HPSE2: variants seen among roughly 807,000 people sequenced by gnomAD.
HPSE2 encodes the protein inactive heparanase-2.
In HPSE2, 38 loss-of-function variants were observed where a neutral mutation model predicts 60.5. The ratio of observed to expected loss-of-function variants is 0.63; its 90% CI spans 0.48 to 0.82. HPSE2 has a LOEUF of 0.82. Among genes scored for constraint, HPSE2 ranks in the 40% least tolerant of loss-of-function variants. The pLI is 0.00. For synonymous variants in HPSE2, 295 were observed against 293.2 expected (o/e 1.01, Z -0.06); for missense variants, 713 against 740.4 (o/e 0.96, Z 0.43).
intron 4 of HPSE2, among the ~76,000 whole-genome samples, chr10:98,730,484 A>G (rs1949199601): frequency 6.6e-6 from 1 of 152,088 alleles, no homozygotes; most frequent in African/African-American, 2.4e-5. Flanking sequence ...ATTAGAGTAG[A>G]TATCAATGAT....
chr10:99,107,257 C>A (rs1261062341), intron 3 of HPSE2, among the ~76,000 whole-genome samples: 1 of 152,178 alleles, frequency 6.6e-6, no homozygotes, highest in Admixed American at 6.5e-5. Context: ...ATAGTTTAGA[C>A]ATCTTTTGAA....
intron 2 of HPSE2, among the ~76,000 whole-genome samples, chr10:99,168,087 TACACACACACACACACAC>T (rs56393224): frequency 1.6e-3 from 238 of 144,728 alleles, no homozygotes; most frequent in Middle Eastern, 6.9e-3. Flanking sequence ...TCAGCCTATT[TACACACACACACACACAC>T]ACACACACAC....
At chr10:99,286,915 TAAG>T in the HPSE2 span, among the ~76,000 whole-genome samples, 6 of 152,238 alleles carry the variant, frequency 3.9e-5, no homozygotes, top group Admixed American at 3.9e-4. Context: ...ATTTTTTGAA[TAAG>T]AAGAATGATG....
At chr10:99,079,623 C>T (rs544236434) in intron 3 of HPSE2, among the ~76,000 whole-genome samples, 1 of 152,218 alleles carries the variant, frequency 6.6e-6, no homozygotes, top group South Asian at 2.1e-4. Flanking sequence ...TATAATATGC[C>T]AGGACCTGTC....
At chr10:98,822,169 A>C (rs1951440498) in intron 3 of HPSE2, among the ~76,000 whole-genome samples, 1 of 152,298 alleles carries the variant, frequency 6.6e-6, no homozygotes, top group South Asian at 2.1e-4. Context: ...AGGGCTGCCA[A>C]ATAGTTACAA....
intron 2 of HPSE2, among the ~76,000 whole-genome samples, chr10:99,206,098 C>A (rs1037717534): frequency 2.0e-5 from 3 of 152,168 alleles, no homozygotes; most frequent in African/African-American, 7.2e-5. Context: ...AGGTCTGCAA[C>A]TGCAGATGTC....
chr10:98,772,646 G>C (rs1371749138), intron 3 of HPSE2, among the ~76,000 whole-genome samples: 1 of 152,146 alleles, frequency 6.6e-6, no homozygotes, highest in African/African-American at 2.4e-5. Flanking sequence ...GGAATTTATG[G>C]AGGCCAGGCA....
At chr10:99,131,218 A>T (rs986068655) in intron 3 of HPSE2, among the ~76,000 whole-genome samples, 1 of 152,190 alleles carries the variant, frequency 6.6e-6, no homozygotes, top group African/African-American at 2.4e-5. Context: ...TCTATGACAA[A>T]CTCACAGTGA....
Position 98,638,327 on chromosome 10 carries a change from C to T in HPSE2, c.1098+3520G>A, listed in dbSNP as rs370179446. On this transcript the variant is annotated intron_variant, in intron 7 of 11. Coordinates refer to ENST00000370552, the MANE Select transcript of HPSE2 (RefSeq NM_021828.5). Reference sequence around the variant, plus strand: ...GGGAGTGGTGGCGGGCGCCTGTAGTCCCAGCTACTCGGGAGGCTGCGGCAG... The same window carrying T: ...GGGAGTGGTGGCGGGCGCCTGTAGTTCCAGCTACTCGGGAGGCTGCGGCAG... Among the ~76,000 whole-genome samples the T allele has an allele frequency of 2.2e-4, 33 of 151,556 alleles. No homozygotes were observed. The East Asian group carries it at 4.9e-3, about 22-fold the overall frequency.
At position 98,941,015 on chromosome 10, in the gene HPSE2, C is replaced by T. The variant is rs1954981165; in HGVS notation, c.611-196959G>A. Reference sequence around the variant, plus strand: ...TTATCTCAATAGATGCAGAAAAGGCCTTTCACAAAATTCAACAACCCTTCA... The same window carrying T: ...TTATCTCAATAGATGCAGAAAAGGCTTTTCACAAAATTCAACAACCCTTCA... On this transcript the variant is annotated intron_variant, in intron 3 of 11. Transcript: ENST00000370552. Among the ~76,000 whole-genome samples, 2 of 128,936 alleles carry T rather than the reference C, an allele frequency of 1.6e-5. 1 individual carries two copies. Among genetic ancestry groups the T allele is most frequent in the Non-Finnish European group, 3.1e-5 (2 of 64,494 alleles). 84.6% of individuals were successfully genotyped at this position (128,936 alleles called of 152,430 possible).
chr10:98,658,095 G>A (rs1029714290), intron 6 of HPSE2, among the ~76,000 whole-genome samples: 1 of 152,134 alleles, frequency 6.6e-6, no homozygotes. Flanking sequence ...TTGAGGGTGG[G>A]GAGGATCAGA....
intron 3 of HPSE2, among the ~76,000 whole-genome samples, chr10:99,095,795 A>G (rs1461305889): frequency 3.9e-5 from 6 of 152,162 alleles, no homozygotes; most frequent in African/African-American, 1.4e-4. Context: ...TTCATCAGTA[A>G]TTTCTACTTT....
chr10:98,692,713 G>A (rs1240916164), intron 6 of HPSE2, among the ~76,000 whole-genome samples: 1 of 152,140 alleles, frequency 6.6e-6, no homozygotes, highest in East Asian at 1.9e-4. Flanking sequence ...AGCTTGCAGT[G>A]AGCCGAGATC....
chr10:99,043,834 A>G (rs1957796836), intron 3 of HPSE2, among the ~76,000 whole-genome samples: 2 of 152,170 alleles, frequency 1.3e-5, no homozygotes, highest in South Asian at 4.1e-4. Context: ...AGAATTTTTA[A>G]AAATAAAAAA....
At chr10:98,544,783 A>G (rs529177581) in intron 9 of HPSE2, among the ~76,000 whole-genome samples, 7 of 151,880 alleles carry the variant, frequency 4.6e-5, no homozygotes, top group East Asian at 1.9e-4. Context: ...AAGCTAGCAG[A>G]ACGCAAGAAA....
At position 98,680,842 on chromosome 10, in the gene HPSE2, G is replaced by A. The variant is rs546354286; in HGVS notation, c.1004+13058C>T. On this transcript the variant is annotated intron_variant, in intron 6 of 11. Coordinates refer to ENST00000370552, the MANE Select transcript of HPSE2 (RefSeq NM_021828.5). ...ATGATCTCGGCTCACTGTAACCTCC[G>A]CCTCCTGGGCTCAAGCAATCCTCCT... Among the ~76,000 whole-genome samples the A allele has an allele frequency of 1.3e-4, 20 of 152,054 alleles. No homozygotes were observed. In the South Asian group the frequency reaches 4.2e-3, roughly 32 times the overall value.
At chr10:99,128,650 G>A (rs750399957) in intron 3 of HPSE2, among the ~76,000 whole-genome samples, 7 of 152,022 alleles carry the variant, frequency 4.6e-5, no homozygotes, top group South Asian at 2.1e-4. Flanking sequence ...CTGGAACAGG[G>A]AGGGAAACAA....
intron 6 of HPSE2, 116 bp from the exon 7 acceptor site, chr10:98,642,056 T>C: frequency 1.2e-6 from 1 of 837,758 alleles, no homozygotes; most frequent in Non-Finnish European, 2.0e-6. Flanking sequence ...CCACTCGGGC[T>C]CTCATATTCT....
At chr10:98,464,347 G>A (rs1337973358) in intron 11 of HPSE2, among the ~76,000 whole-genome samples, 1 of 152,178 alleles carries the variant, frequency 6.6e-6, no homozygotes, top group African/African-American at 2.4e-5. Context: ...TGCTTGAAGA[G>A]GCCAAGCCCC....
Sources: allele counts gnomAD v4.1 joint callset (sites outside exome capture counted in the v4.1 genomes callset), GRCh38; gene constraint gnomAD v4.1.1; transcripts MANE v1.5; gene names NCBI Gene and HGNC (gene_info 2026-07-23, HGNC 2026-07-21).